HPSE2: variants seen among roughly 807,000 people sequenced by gnomAD.
The protein encoded by HPSE2 is inactive heparanase-2.
In HPSE2, 38 loss-of-function variants were observed where a neutral mutation model predicts 60.5. That is an observed-to-expected ratio of 0.63 (90% CI 0.48 to 0.82). HPSE2 has a LOEUF of 0.82. Ranked by LOEUF, HPSE2 falls within the 40% of genes least tolerant of loss-of-function variation. The pLI, the probability that HPSE2 is intolerant of heterozygous loss-of-function variation, is 0.00. For missense variants in HPSE2, 713 were observed against 740.4 expected (o/e 0.96, Z 0.43); for synonymous variants, 295 against 293.2 (o/e 1.01, Z -0.06).
intron 9 of HPSE2, among the ~76,000 whole-genome samples, chr10:98,537,083 T>C (rs1352598222): frequency 1.3e-5 from 2 of 152,190 alleles, no homozygotes; most frequent in Non-Finnish European, 2.9e-5. Flanking sequence ...GAGGCCAAAA[T>C]AAGTTAAGGA....
intron 3 of HPSE2, among the ~76,000 whole-genome samples, chr10:99,100,735 C>T (rs192529382): frequency 1.3e-5 from 2 of 152,074 alleles, no homozygotes; most frequent in African/African-American, 4.8e-5. Flanking sequence ...TTAAGGGCAG[C>T]CAGAGAGAAA....
chr10:98,704,023 A>T lies in HPSE2; in HGVS notation c.957-10076T>A, dbSNP rs534897574. Reference sequence around the variant, plus strand: ...GATTCTGTATTTAGAAAACCCCATCATCTCAGCCCAAAAACTCCTTAAGCT... The same window carrying T: ...GATTCTGTATTTAGAAAACCCCATCTTCTCAGCCCAAAAACTCCTTAAGCT... On this transcript the variant is annotated intron_variant, in intron 5 of 11. Transcript: ENST00000370552. Among the ~76,000 whole-genome samples, 4 of 152,260 alleles carry T rather than the reference A, an allele frequency of 2.6e-5. No homozygotes were observed. In the South Asian group the frequency reaches 8.3e-4, roughly 32 times the overall value.
chr10:98,574,832 G>A (rs1223745669), intron 9 of HPSE2, among the ~76,000 whole-genome samples: 1 of 152,118 alleles, frequency 6.6e-6, no homozygotes, highest in Non-Finnish European at 1.5e-5. Context: ...AGGAGGGCAG[G>A]AACTACACTA....
chr10:99,179,248 T>C (rs1029913536), intron 2 of HPSE2, among the ~76,000 whole-genome samples: 1 of 152,160 alleles, frequency 6.6e-6, no homozygotes, highest in African/African-American at 2.4e-5. Flanking sequence ...CTATTCAACA[T>C]ACTATTGGAA....
At chr10:99,277,353 G>T in the HPSE2 span, among the ~76,000 whole-genome samples, 2 of 152,244 alleles carry the variant, frequency 1.3e-5, no homozygotes, top group African/African-American at 4.8e-5. Context: ...GCTGTGGACA[G>T]CAGAGTTAGA....
chr10:99,238,695 T>C (rs1849905741), upstream of HPSE2, among the ~76,000 whole-genome samples: 1 of 152,210 alleles, frequency 6.6e-6, no homozygotes, highest in Non-Finnish European at 1.5e-5. Flanking sequence ...CATATCATGG[T>C]TTTTGTCTTG....
At chr10:99,098,584 C>A (rs1170937418) in intron 3 of HPSE2, among the ~76,000 whole-genome samples, 1 of 152,126 alleles carries the variant, frequency 6.6e-6, no homozygotes, top group Non-Finnish European at 1.5e-5. Flanking sequence ...TCCATCTTAC[C>A]TGAATCATTA....
the HPSE2 span, among the ~76,000 whole-genome samples, chr10:99,302,535 C>T: frequency 2.0e-5 from 3 of 152,088 alleles, no homozygotes; most frequent in Non-Finnish European, 4.4e-5. Context: ...AGGTACTCCA[C>T]CCATGTCAGC....
intron 3 of HPSE2, among the ~76,000 whole-genome samples, chr10:99,031,653 A>G (rs1957501767): frequency 6.6e-6 from 1 of 152,182 alleles, no homozygotes; most frequent in Non-Finnish European, 1.5e-5. Flanking sequence ...AAGTAGTGGG[A>G]GGAATTCAAA....
chr10:99,007,042 C>T (rs77853847), intron 3 of HPSE2, among the ~76,000 whole-genome samples: 5,304 of 151,854 alleles, frequency 0.035, 124 homozygotes, highest in South Asian at 0.057. Context: ...GCTTTAGAGG[C>T]CAATCTGGTG....
At chr10:99,038,590 T>C (rs576269235) in intron 3 of HPSE2, among the ~76,000 whole-genome samples, 1 of 152,258 alleles carries the variant, frequency 6.6e-6, no homozygotes, top group East Asian at 1.9e-4. Context: ...AATATTTCTG[T>C]ATCTTGACTG....
At chr10:98,718,741 G>A (rs900871562) in intron 5 of HPSE2, among the ~76,000 whole-genome samples, 1 of 152,126 alleles carries the variant, frequency 6.6e-6, no homozygotes, top group Non-Finnish European at 1.5e-5. Flanking sequence ...TGAAAAAGTG[G>A]ACCTCACGGA....
intron 3 of HPSE2, among the ~76,000 whole-genome samples, chr10:98,819,421 C>CTTTT (rs34043787): frequency 0.012 from 1,615 of 136,292 alleles, 42 homozygotes; most frequent in Non-Finnish European, 0.013. Flanking sequence ...TACAATCATT[C>CTTTT]TTTTTTTTTT....
intron 9 of HPSE2, among the ~76,000 whole-genome samples, chr10:98,534,454 GAGTGC>G (rs2133807978): frequency 6.6e-6 from 1 of 152,054 alleles, no homozygotes; most frequent in South Asian, 2.1e-4. Flanking sequence ...GCCCAGGCTG[GAGTGC>G]AGTGATGTGA....
intron 11 of HPSE2, among the ~76,000 whole-genome samples, chr10:98,469,358 A>T (rs1444900043): frequency 2.6e-5 from 4 of 152,180 alleles, no homozygotes; most frequent in Admixed American, 2.0e-4. Flanking sequence ...CACAATAGGA[A>T]CCAGCTATAA....
At chr10:98,604,631 G>A (rs918049430) in intron 9 of HPSE2, among the ~76,000 whole-genome samples, 4 of 152,178 alleles carry the variant, frequency 2.6e-5, no homozygotes, top group African/African-American at 4.8e-5. Context: ...AAAGACAGTC[G>A]TAAGTACTAT....
At chr10:99,273,711 A>T in the HPSE2 span, among the ~76,000 whole-genome samples, 1 of 152,220 alleles carries the variant, frequency 6.6e-6, no homozygotes, top group Non-Finnish European at 1.5e-5. Context: ...TAAAATGGGC[A>T]GAAGGACAGA....
chr10:98,790,575 T>G (rs549679116), intron 3 of HPSE2, among the ~76,000 whole-genome samples: 1 of 152,324 alleles, frequency 6.6e-6, no homozygotes, highest in African/African-American at 2.4e-5. Flanking sequence ...TCCATTGTAC[T>G]GCATGCTGAC....
intron 3 of HPSE2, among the ~76,000 whole-genome samples, chr10:99,116,314 C>T (rs999034264): frequency 3.3e-5 from 5 of 151,996 alleles, no homozygotes; most frequent in Admixed American, 3.3e-4. Context: ...ATTTCTGCAC[C>T]AAGGGCCCAT....
Sources: allele counts gnomAD v4.1 joint callset (sites outside exome capture counted in the v4.1 genomes callset), GRCh38; gene constraint gnomAD v4.1.1; transcripts MANE v1.5; gene names NCBI Gene and HGNC (gene_info 2026-07-23, HGNC 2026-07-21).